Variants in COL4A5 observed in about 807,000 individuals in gnomAD.
COL4A5 encodes collagen alpha-5(IV) chain.
In COL4A5, 26 loss-of-function variants were observed where a neutral mutation model predicts 130.2. The observed-to-expected ratio is 0.20, with a 90% CI of 0.15 to 0.28. COL4A5 has a LOEUF of 0.28. COL4A5 is among the 10% of genes least tolerant of loss of function. The pLI is 1.00. For synonymous variants in COL4A5, 496 were observed against 439.6 expected, an observed-to-expected ratio of 1.13 and a Z score of -1.60; for missense variants, 1,131 against 1,344.3, an observed-to-expected ratio of 0.84 and a Z score of 2.48.
chrX:108,452,822 TCTC>T (rs2147473998), intron 1 of COL4A5, among the ~76,000 whole-genome samples: 2 of 111,370 alleles, frequency 1.8e-5, no homozygotes, highest in Admixed American at 9.5e-5. Context: ...TTTATTTCCT[TCTC>T]CTGCCTAATT....
At chrX:108,486,718 T>A (rs967915770) in intron 1 of COL4A5, among the ~76,000 whole-genome samples, 1 of 112,090 alleles carries the variant, frequency 8.9e-6, no homozygotes, top group African/African-American at 3.2e-5. Flanking sequence ...GGTCTCCAAC[T>A]CCATCCAGGT....
intron 1 of COL4A5, among the ~76,000 whole-genome samples, chrX:108,455,156 A>G (rs1472942451): frequency 3.6e-5 from 4 of 111,209 alleles, no homozygotes; most frequent in African/African-American, 1.3e-4. Context: ...AGAAAGTTTC[A>G]TTTTCTAGAT....
chrX:108,497,639 T>G (rs959763620), intron 1 of COL4A5, among the ~76,000 whole-genome samples: 1 of 111,766 alleles, frequency 8.9e-6, no homozygotes, highest in Non-Finnish European at 1.9e-5. Flanking sequence ...GCTTGTATTC[T>G]GTATTGCATT....
intron 1 of COL4A5, among the ~76,000 whole-genome samples, chrX:108,498,987 AT>A (rs1280373523): frequency 9.0e-6 from 1 of 111,006 alleles, no homozygotes; most frequent in Admixed American, 9.6e-5. Flanking sequence ...ATTATTTTGC[AT>A]TTTTCCTTAT....
At chrX:108,537,218 G>A (rs1220172916) in intron 1 of COL4A5, among the ~76,000 whole-genome samples, 2 of 110,878 alleles carry the variant, frequency 1.8e-5, no homozygotes, top group African/African-American at 6.5e-5. Flanking sequence ...ATAGAAAGTG[G>A]CATCTAGTGG....
chrX:108,571,111 T>C lies in COL4A5; in HGVS notation c.385-302T>C, dbSNP rs1043617751. On this transcript the variant is annotated intron_variant, in intron 6 of 52. Transcript: ENST00000328300. ...GGAAATGGGGCAGATCATTAACTATTAAATGTGATGATAGAATTTATGGCG... is the reference window on the plus strand; with the variant it reads ...GGAAATGGGGCAGATCATTAACTATCAAATGTGATGATAGAATTTATGGCG... 6.2e-5 allele frequency among the ~76,000 whole-genome samples: 7 copies of C among 112,080 alleles called. No individual in the cohort carries two copies. In the East Asian group the frequency reaches 2.0e-3, roughly 31 times the overall value.
chrX:108,619,683 C>T (rs772616578), intron 30 of COL4A5, among the ~76,000 whole-genome samples: 1 of 111,217 alleles, frequency 9.0e-6, no homozygotes, highest in African/African-American at 3.3e-5. Context: ...AGGTAAAATA[C>T]AATTTAAGAA....
chrX:108,634,934 A>G (rs1259986811), intron 36 of COL4A5, among the ~76,000 whole-genome samples: 2 of 111,121 alleles, frequency 1.8e-5, no homozygotes, highest in African/African-American at 6.5e-5. Flanking sequence ...AGTTTTAGGA[A>G]ATATAATGGT....
chrX:108,513,949 G>A (rs1221233241), intron 1 of COL4A5, among the ~76,000 whole-genome samples: 1 of 111,874 alleles, frequency 8.9e-6, no homozygotes, highest in African/African-American at 3.2e-5. Flanking sequence ...ATGAAGTAGG[G>A]ATTCAGGCTC....
chrX:108,561,666 A>G (rs1220662311), intron 3 of COL4A5, among the ~76,000 whole-genome samples: 1 of 111,237 alleles, frequency 9.0e-6, no homozygotes, highest in Non-Finnish European at 1.9e-5. Flanking sequence ...TTATTATTTT[A>G]TATGATGGTG....
chrX:108,449,142 T>C (rs772393100), intron 1 of COL4A5, among the ~76,000 whole-genome samples: 2 of 111,778 alleles, frequency 1.8e-5, no homozygotes, highest in African/African-American at 6.5e-5. Context: ...GTAGAGTTAG[T>C]CCAGTCACTC....
At chrX:108,632,746 A>G (rs182452026) in intron 36 of COL4A5, among the ~76,000 whole-genome samples, 100 of 112,150 alleles carry the variant, frequency 8.9e-4, no homozygotes, top group African/African-American at 3.0e-3. Context: ...GATTATCTCA[A>G]TAGATGGAGA....
At chrX:108,450,352 C>G (rs963169481) in intron 1 of COL4A5, among the ~76,000 whole-genome samples, 2 of 111,694 alleles carry the variant, frequency 1.8e-5, no homozygotes, top group Admixed American at 9.5e-5. Context: ...CTTCAGCCCC[C>G]CAAAGAGCTG....
At chrX:108,544,437 C>T (rs1448480394) in intron 2 of COL4A5, among the ~76,000 whole-genome samples, 1 of 111,977 alleles carries the variant, frequency 8.9e-6, no homozygotes, top group East Asian at 2.8e-4. Flanking sequence ...GTTGAACCAG[C>T]CTTGCATCCC....
At chrX:108,624,969 G>A (rs73528353) in intron 34 of COL4A5, among the ~76,000 whole-genome samples, 3 of 111,211 alleles carry the variant, frequency 2.7e-5, no homozygotes, top group Non-Finnish European at 5.6e-5. Flanking sequence ...AGTTATTTGC[G>A]CTAGACTCCA....
intron 37 of COL4A5, among the ~76,000 whole-genome samples, chrX:108,659,329 G>A (rs1034362428): frequency 4.5e-5 from 5 of 110,764 alleles, no homozygotes; most frequent in Non-Finnish European, 7.6e-5. Context: ...GGTTTATCTG[G>A]GTGAATTTTC....
intron 15 of COL4A5, 78 bp downstream of exon 15, chrX:108,580,816 C>T: frequency 3.0e-6 from 3 of 1,015,874 alleles, no homozygotes; most frequent in South Asian, 3.8e-5. Flanking sequence ...TTTCTTCCTA[C>T]ATCTTCCATT....
intron 50 of COL4A5, 148 bp downstream of exon 50, chrX:108,693,073 A>G (rs1329761201): frequency 1.5e-6 from 1 of 687,389 alleles, no homozygotes; most frequent in African/African-American, 2.2e-5. Context: ...ATTTAGTTTG[A>G]CTCATATTTA....
chrX:108,586,042 G>A (rs921747157), intron 18 of COL4A5, among the ~76,000 whole-genome samples: 15 of 111,833 alleles, frequency 1.3e-4, no homozygotes, highest in Non-Finnish European at 2.3e-4. Context: ...ATTGTAAGAC[G>A]TAGTAGGAGA....
Sources: gnomAD v4.1 joint callset for allele counts (sites outside exome capture counted in the v4.1 genomes callset) on GRCh38, gnomAD v4.1.1 for gene constraint, MANE v1.5 for transcripts, NCBI Gene and HGNC (gene_info 2026-07-23, HGNC 2026-07-21) for gene names.